NUP205: variants seen among roughly 807,000 people sequenced by gnomAD.
The protein encoded by NUP205 is nuclear pore complex protein Nup205.
Under a neutral mutation model 253.8 loss-of-function variants are expected in NUP205, and 76 were observed. The observed-to-expected ratio is 0.30, with a 90% CI of 0.25 to 0.36. The LOEUF (loss-of-function observed/expected upper bound fraction) is 0.36, where lower values mean the gene tolerates loss of function less well. NUP205 is among the 10% of genes least tolerant of loss of function. The probability of loss-of-function intolerance (pLI) is 1.00; values close to 1 mark genes in which losing one functional copy is unlikely to be tolerated. For synonymous variants in NUP205, 832 were observed against 850.1 expected (o/e 0.98, Z 0.37); for missense variants, 2,162 against 2,425.5 (o/e 0.89, Z 2.28).
chr7:135,594,125 A>G (rs183732934), intron 12 of NUP205, among the ~76,000 whole-genome samples: 119 of 152,292 alleles, frequency 7.8e-4, no homozygotes, highest in Non-Finnish European at 1.4e-3. Context: ...AATGAAAAAA[A>G]TGTTGTGATA....
chr7:135,601,359 G>C lies in NUP205; in HGVS notation c.2375-11G>C. On this transcript the variant is annotated splice_polypyrimidine_tract_variant and intron_variant, in intron 16 of 42. Transcript: ENST00000285968. ...CCCATCATCTCTTGGAATATGTTAT[G>C]TTCTATTTAGGAGAAGAAATCATAG... 1.2e-6 allele frequency: 2 copies of C among 1,608,730 alleles called. No individual in the cohort carries two copies. Among genetic ancestry groups the C allele is most frequent in the Non-Finnish European group, 1.7e-6 (2 of 1,177,528 alleles).
rs377251539 is a variant in NUP205 at position 135,602,985 on chromosome 7, A to G, written c.2693A>G (p.Asn898Ser). The change falls in exon 18 of 43, where the codon AAC becomes AGC. Residue 898 changes from asparagine (N) to serine (S), a missense_variant. By Grantham distance (46) the Asn-to-Ser change is conservative. Coordinates refer to ENST00000285968, the MANE Select transcript of NUP205 (RefSeq NM_015135.3). The part of the protein sequence containing the change: ...PRTKKADNVV[N>S]IARYLYHGNT... The stretch of plus-strand genomic sequence containing the variant: ...ACTAAGAAGGCAGATAATGTGGTAA[A>G]CATTGCCAGGTAAGTTACCTTTGTA... The G allele has an allele frequency of 3.8e-5, 61 of 1,607,946 alleles. No individual in the cohort carries two copies. Among genetic ancestry groups the G allele is most frequent in the Middle Eastern group, 1.6e-4 (1 of 6,066 alleles).
At chr7:135,601,069 G>C in intron 16 of NUP205, 100 bp downstream of exon 16, 1 of 631,438 alleles carries the variant, frequency 1.6e-6, no homozygotes, top group South Asian at 2.7e-5. Flanking sequence ...TTTTAAATTA[G>C]AATTTAATCT....
At position 135,645,475 on chromosome 7, in the gene NUP205, A is replaced by G. The variant is rs762609026; in HGVS notation, c.5691A>G (p.Ile1897Met). The G allele has an allele frequency of 5.7e-5, 92 of 1,613,730 alleles. 1 individual carries two copies. In the South Asian group the frequency reaches 1.0e-3, roughly 18 times the overall value. Residue 1897 changes from isoleucine (I) to methionine (M), a missense_variant, in exon 41 of 43, where the codon ATA (isoleucine) becomes ATG (methionine). This residue lies in a region of NUP205 where 1,144 missense variants were observed against 1,280.9 expected (regional missense o/e 0.89). Coordinates refer to ENST00000285968, the MANE Select transcript of NUP205 (RefSeq NM_015135.3). ...AKLLSLCSFI[I>M]ETCLFILWRH... ...ATCTGAGCTCTGGTATAGTTATCAT[A>G]GAGACCTGCCTATTTATTCTTTGGC...
chr7:135,624,270 C>T (rs540906258), intron 31 of NUP205, among the ~76,000 whole-genome samples: 13 of 152,166 alleles, frequency 8.5e-5, no homozygotes, highest in African/African-American at 2.4e-4. Flanking sequence ...GGCATGATCT[C>T]GGCTCACTGC....
At chr7:135,560,962 CTA>C (rs1805565535) in intron 1 of NUP205, among the ~76,000 whole-genome samples, 1 of 152,190 alleles carries the variant, frequency 6.6e-6, no homozygotes, top group African/African-American at 2.4e-5. Context: ...AGATTGCATT[CTA>C]TGTTATGTGC....
intron 13 of NUP205, 185 bp from the exon 14 acceptor site, chr7:135,597,183 T>G: frequency 2.1e-6 from 1 of 475,760 alleles, no homozygotes; most frequent in African/African-American, 1.9e-5. Flanking sequence ...CAGTCAAAAG[T>G]TCTATCTCAA....
intron 17 of NUP205, 104 bp downstream of exon 17, chr7:135,601,611 T>A: frequency 8.1e-7 from 1 of 1,236,594 alleles, no homozygotes; most frequent in Non-Finnish European, 1.1e-6. Context: ...TTTTTCACTG[T>A]AAGATTCTCT....
chr7:135,627,054 A>G (rs1410788538), intron 33 of NUP205, among the ~76,000 whole-genome samples: 2 of 152,228 alleles, frequency 1.3e-5, no homozygotes, highest in African/African-American at 4.8e-5. Context: ...AGTTTCAAAC[A>G]TGAGAGTTAT....
chr7:135,576,259 T>A lies in NUP205; in HGVS notation c.344-11T>A, dbSNP rs1168927576. The A allele has an allele frequency of 1.4e-5, 22 of 1,610,130 alleles. No homozygotes were observed. Among genetic ancestry groups the A allele is most frequent in the Non-Finnish European group, 1.8e-5 (21 of 1,177,682 alleles). ...TTATTAACAATATTATTTCTCAACT[T>A]CCTTTTTTAGGAGAGCATCAACAGC... On this transcript the variant is annotated splice_polypyrimidine_tract_variant and intron_variant, in intron 3 of 42. Transcript: ENST00000285968.
intron 31 of NUP205, among the ~76,000 whole-genome samples, chr7:135,623,993 A>G (rs930611245): frequency 2.6e-5 from 4 of 152,130 alleles, no homozygotes; most frequent in African/African-American, 9.7e-5. Flanking sequence ...CATGTTAGCC[A>G]GGATGGTCTC....
At chr7:135,623,452 T>C (rs947023590) in intron 31 of NUP205, among the ~76,000 whole-genome samples, 3 of 152,222 alleles carry the variant, frequency 2.0e-5, no homozygotes, top group African/African-American at 7.2e-5. Context: ...AGAATTGCCT[T>C]TCAGAATTAT....
chr7:135,561,587 A>G (rs1458276194), intron 1 of NUP205, among the ~76,000 whole-genome samples: 1 of 152,198 alleles, frequency 6.6e-6, no homozygotes, highest in Non-Finnish European at 1.5e-5. Context: ...CTAAACCCTC[A>G]GACTTCTAGT....
Position 135,602,728 on chromosome 7 carries a change from T to C in NUP205, c.2513-77T>C, listed in dbSNP as rs190547328. 2.7e-5 allele frequency: 32 copies of C among 1,173,564 alleles called. No homozygotes were observed. In the Admixed American group the frequency reaches 7.0e-4, roughly 26 times the overall value. The allele number at this position is 1,173,564 out of a possible 1,614,324, so 72.7% of individuals were successfully genotyped here. On this transcript the variant is annotated intron_variant, in intron 17 of 42. Transcript: ENST00000285968. ...ATCTGAAAATCTAAAACTTGTCATTTGTCTTGTTTTCCTAAGAATTGACTG... is the reference window on the plus strand; with the variant it reads ...ATCTGAAAATCTAAAACTTGTCATTCGTCTTGTTTTCCTAAGAATTGACTG...
At chr7:135,621,888 C>G (rs1241299532) in intron 30 of NUP205, among the ~76,000 whole-genome samples, 1 of 151,984 alleles carries the variant, frequency 6.6e-6, no homozygotes, top group African/African-American at 2.4e-5. Flanking sequence ...CTGCAACCTC[C>G]ACCTCCTGGG....
At chr7:135,565,762 T>C (rs1051967715) in intron 1 of NUP205, among the ~76,000 whole-genome samples, 1 of 152,220 alleles carries the variant, frequency 6.6e-6, no homozygotes, top group Non-Finnish European at 1.5e-5. Context: ...TTCTAGTCCA[T>C]CAACCACACT....
chr7:135,595,446 A>G (rs1793803414), intron 13 of NUP205, among the ~76,000 whole-genome samples: 1 of 150,528 alleles, frequency 6.6e-6, no homozygotes, highest in Admixed American at 6.6e-5. Flanking sequence ...CTGGTCTTGA[A>G]CTCCTGGCTT....
At chr7:135,628,887 C>T (rs150110619) in intron 34 of NUP205, among the ~76,000 whole-genome samples, 76 of 152,324 alleles carry the variant, frequency 5.0e-4, no homozygotes, top group African/African-American at 1.7e-3. Flanking sequence ...TCTGGGTTGA[C>T]GTCCTACTTC....
At chr7:135,572,052 T>TCTTG (rs1806011465) in intron 2 of NUP205, among the ~76,000 whole-genome samples, 1 of 151,968 alleles carries the variant, frequency 6.6e-6, no homozygotes, top group Non-Finnish European at 1.5e-5. Flanking sequence ...AGAGATAGGG[T>TCTTG]CTTGCTATGT....
Sources: gnomAD v4.1 joint callset for allele counts (sites outside exome capture counted in the v4.1 genomes callset) on GRCh38, gnomAD v4.1.1 for gene constraint, gnomAD v4.1.1 regional missense constraint, MANE v1.5 for transcripts, NCBI Gene and HGNC (gene_info 2026-07-23, HGNC 2026-07-21) for gene names.